ARMC2: variants seen among roughly 807,000 people sequenced by gnomAD.
The protein encoded by ARMC2 is armadillo repeat containing 2.
Under a neutral mutation model 90.3 loss-of-function variants are expected in ARMC2, and 67 were observed. That is an observed-to-expected ratio of 0.74 (90% CI 0.61 to 0.91). The LOEUF is 0.91. Ranked by LOEUF, ARMC2 falls within the 40% of genes least tolerant of loss-of-function variation. ARMC2 has a pLI of 0.00. For missense variants in ARMC2, 920 were observed against 1,030.9 expected (o/e 0.89, Z 1.47); for synonymous variants, 393 against 393.0 (o/e 1.00, Z 0.00).
At chr6:108,903,737 G>A (rs907595384) in intron 7 of ARMC2, among the ~76,000 whole-genome samples, 4 of 152,190 alleles carry the variant, frequency 2.6e-5, no homozygotes, top group African/African-American at 9.7e-5. Context: ...TTTGTTGAAT[G>A]TGGAATAGTG....
At chr6:108,985,277 C>T in the ARMC2 span, among the ~76,000 whole-genome samples, 15,260 of 152,108 alleles carry the variant, frequency 0.1, 904 homozygotes, top group South Asian at 0.19. Context: ...TTCCCAAATA[C>T]GGCCAAAACA....
chr6:109,035,453 G>A, the ARMC2 span, among the ~76,000 whole-genome samples: 2 of 152,008 alleles, frequency 1.3e-5, no homozygotes, highest in Admixed American at 6.5e-5. Context: ...CTGACATATG[G>A]AGTAGGTAGG....
At chr6:108,863,066 A>G (rs1775443067) in intron 3 of ARMC2, among the ~76,000 whole-genome samples, 1 of 152,194 alleles carries the variant, frequency 6.6e-6, no homozygotes. Context: ...CTGATTGCTC[A>G]GGCCCTGCCC....
At chr6:108,862,464 G>A (rs1164521325) in intron 3 of ARMC2, among the ~76,000 whole-genome samples, 1 of 151,800 alleles carries the variant, frequency 6.6e-6, no homozygotes, top group Non-Finnish European at 1.5e-5. Context: ...TGATGTTATT[G>A]TGGATTATGT....
At chr6:108,915,753 C>T (rs1038246212) in intron 10 of ARMC2, among the ~76,000 whole-genome samples, 28 of 152,176 alleles carry the variant, frequency 1.8e-4, no homozygotes, top group African/African-American at 6.7e-4. Flanking sequence ...GGTACAGCCA[C>T]GAGTCTTGAA....
At chr6:108,922,260 GC>G (rs908332263) in intron 10 of ARMC2, among the ~76,000 whole-genome samples, 1 of 151,912 alleles carries the variant, frequency 6.6e-6, no homozygotes, top group East Asian at 1.9e-4. Context: ...AGTCCGGAGG[GC>G]CCCCCCACCC....
chr6:109,014,194 A>G, the ARMC2 span, among the ~76,000 whole-genome samples: 1 of 152,194 alleles, frequency 6.6e-6, no homozygotes, highest in Non-Finnish European at 1.5e-5. Flanking sequence ...TAGTATTCCA[A>G]GAAGTGTCAG....
At chr6:109,036,408 T>C in the ARMC2 span, among the ~76,000 whole-genome samples, 2 of 152,208 alleles carry the variant, frequency 1.3e-5, no homozygotes, top group Non-Finnish European at 1.5e-5. Flanking sequence ...AGCTTAACCA[T>C]CATTCTTTGC....
chr6:108,944,450 G>A (rs930932801), intron 12 of ARMC2, among the ~76,000 whole-genome samples: 4 of 152,170 alleles, frequency 2.6e-5, no homozygotes, highest in African/African-American at 9.7e-5. Context: ...GAGGCTTCAA[G>A]CACTGGCCAG....
chr6:108,891,035 AATG>A (rs1404078639), intron 5 of ARMC2, among the ~76,000 whole-genome samples: 1 of 151,544 alleles, frequency 6.6e-6, no homozygotes, highest in Non-Finnish European at 1.5e-5. Flanking sequence ...GTTTGCTGAG[AATG>A]ATGGTTTCCA....
At chr6:108,949,670 A>G (rs1215646918) in intron 12 of ARMC2, among the ~76,000 whole-genome samples, 1 of 152,216 alleles carries the variant, frequency 6.6e-6, no homozygotes, top group African/African-American at 2.4e-5. Context: ...GTGGAGGAGA[A>G]GCTACCAACT....
At chr6:108,897,227 G>A (rs935068653) in intron 6 of ARMC2, among the ~76,000 whole-genome samples, 3 of 152,128 alleles carry the variant, frequency 2.0e-5, no homozygotes, top group East Asian at 1.9e-4. Flanking sequence ...GGGTGCTGCC[G>A]CAGAAGACCC....
intron 4 of ARMC2, among the ~76,000 whole-genome samples, chr6:108,874,712 C>CG (rs1268494163): frequency 2.0e-5 from 3 of 152,002 alleles, no homozygotes; most frequent in African/African-American, 4.8e-5. Context: ...GTGGGTGCCC[C>CG]GGGGGGCCTG....
the ARMC2 span, among the ~76,000 whole-genome samples, chr6:109,031,530 G>A: frequency 1.1e-4 from 16 of 152,028 alleles, no homozygotes; most frequent in African/African-American, 3.9e-4. Context: ...CTCATCTTCA[G>A]CCTAAAGTTA....
chr6:108,876,057 A>G (rs547208611), intron 4 of ARMC2, 86 bp from the exon 5 acceptor site: 20 of 1,158,734 alleles, frequency 1.7e-5, no homozygotes, highest in Non-Finnish European at 2.3e-5. Flanking sequence ...AATCATATAA[A>G]TTCTTAGATT....
At chr6:109,012,964 A>G in the ARMC2 span, among the ~76,000 whole-genome samples, 2 of 151,712 alleles carry the variant, frequency 1.3e-5, no homozygotes, top group African/African-American at 4.8e-5. Flanking sequence ...AAATACAAAA[A>G]AATTAGCTGG....
the ARMC2 span, among the ~76,000 whole-genome samples, chr6:108,979,824 CTG>C: frequency 7.9e-5 from 12 of 151,868 alleles, no homozygotes; most frequent in African/African-American, 2.9e-4. Flanking sequence ...AGTTCTTGTG[CTG>C]TGTTTTTCAG....
the ARMC2 span, among the ~76,000 whole-genome samples, chr6:109,036,733 T>A: frequency 6.6e-6 from 1 of 152,236 alleles, no homozygotes; most frequent in Non-Finnish European, 1.5e-5. Context: ...GAGGAAGTGC[T>A]ACCACAATTT....
the ARMC2 span, chr6:108,994,466 A>G: frequency 1.9e-6 from 3 of 1,611,484 alleles, no homozygotes; most frequent in Non-Finnish European, 2.5e-6. Context: ...TCTTACCTGA[A>G]GAGAAGACAA....
Sources: gnomAD v4.1 joint callset for allele counts (sites outside exome capture counted in the v4.1 genomes callset) on GRCh38, gnomAD v4.1.1 for gene constraint, MANE v1.5 for transcripts, NCBI Gene and HGNC (gene_info 2026-07-23, HGNC 2026-07-21) for gene names.